Variants in PTPRS observed in about 807,000 individuals in gnomAD.
PTPRS encodes the protein receptor-type tyrosine-protein phosphatase S.
In PTPRS, 63 loss-of-function variants were observed where a neutral mutation model predicts 215.3. The observed-to-expected ratio is 0.29, with a 90% confidence interval of 0.24 to 0.36. PTPRS has a LOEUF of 0.36. PTPRS is among the 10% of genes least tolerant of loss of function. The probability of loss-of-function intolerance (pLI) is 1.00; values close to 1 mark genes in which losing one functional copy is unlikely to be tolerated. For synonymous variants in PTPRS, 1,404 were observed against 1,191.4 expected, an observed-to-expected ratio of 1.18 and a Z score of -3.68; for missense variants, 2,258 against 2,825.8, an observed-to-expected ratio of 0.80 and a Z score of 4.56.
intron 2 of PTPRS, 84 bp from the exon 3 acceptor site, chr19:5,274,428 TCCATGCCCTGCCCACGGAAGTG>T: frequency 7.0e-7 from 1 of 1,434,414 alleles, no homozygotes; most frequent in South Asian, 1.4e-5. Context: ...AAACCTGCAT[TCCATGCCCTGCCCACGGAAGTG>T]CCATGTGGCC....
At chr19:5,299,265 C>T (rs1285295714) in intron 1 of PTPRS, among the ~76,000 whole-genome samples, 1 of 152,212 alleles carries the variant, frequency 6.6e-6, no homozygotes, top group East Asian at 1.9e-4. Flanking sequence ...TCCTCCCTGC[C>T]CTCCATTCCT....
At chr19:5,238,390 G>A (rs1437190945) in intron 13 of PTPRS, among the ~76,000 whole-genome samples, 1 of 152,132 alleles carries the variant, frequency 6.6e-6, no homozygotes, top group Non-Finnish European at 1.5e-5. Flanking sequence ...CCCCACCCTC[G>A]GGAACTGGGA....
At chr19:5,256,662 C>T (rs920793279) in intron 8 of PTPRS, among the ~76,000 whole-genome samples, 5 of 152,142 alleles carry the variant, frequency 3.3e-5, no homozygotes, top group Admixed American at 2.0e-4. Context: ...GTTGGAGTCA[C>T]GAACGCATTA....
chr19:5,217,146 G>C (rs1034690918), intron 25 of PTPRS, among the ~76,000 whole-genome samples: 1 of 152,230 alleles, frequency 6.6e-6, no homozygotes, highest in African/African-American at 2.4e-5. Context: ...GCAGGGAAAG[G>C]ACATATGGGC....
chr19:5,214,723 A>G lies in PTPRS; in HGVS notation c.4332T>C (p.Ser1444=), dbSNP rs115258999. ...CCACGTAGTTGGCATTGATGTAATCACTGCCCATGATGCCTGCAGCCAGGG... is the reference window on the plus strand; with the variant it reads ...CCACGTAGTTGGCATTGATGTAATCGCTGCCCATGATGCCTGCAGCCAGGG... ...ILQPIEGIMG[S]DYINANYVDG... Residue 1444 remains serine (S), a synonymous_variant, in exon 29 of 38, where the codon AGT becomes AGC. Coordinates refer to ENST00000262963, the MANE Select transcript of PTPRS (RefSeq NM_002850.4). 715 of 1,604,310 alleles carry G rather than the reference A, an allele frequency of 4.5e-4. 2 individuals carry two copies. The African/African-American group carries it at 8.4e-3, about 19-fold the overall frequency.
chr19:5,284,375 TAAAATAAATAAATAAA>T (rs1166513018), intron 2 of PTPRS, among the ~76,000 whole-genome samples: 4 of 130,376 alleles, frequency 3.1e-5, no homozygotes, highest in South Asian at 2.3e-4. Context: ...ATTAATTAAT[TAAAATAAATAAATAAA>T]TAAATAAATA....
intron 12 of PTPRS, 97 bp downstream of exon 12, chr19:5,240,102 A>G (rs2043895088): frequency 7.5e-7 from 1 of 1,337,004 alleles, no homozygotes; most frequent in South Asian, 1.6e-5. Context: ...TCCGCAGCAC[A>G]CATAGGGACA....
rs1345964555 is a variant in PTPRS, at chr19:5,210,064, A to G, written c.5487+405T>C. Among the ~76,000 whole-genome samples, 1 of 151,914 alleles carries G rather than the reference A, an allele frequency of 6.6e-6. No homozygotes were observed. The highest frequency in any genetic ancestry group is 6.6e-5 in the Admixed American group (1 of 15,256). On this transcript the variant is annotated intron_variant, in intron 35 of 37. Transcript: ENST00000262963. This position sits in a 1 kb window ranked among gnomAD's most constrained non-coding sequence, Gnocchi z 4.5. ...GTCCTTCATTGAGCCAACACCATCC[A>G]TACTCATCTCTCCTCACCCAACGGT...
intron 9 of PTPRS, 129 bp downstream of exon 9, chr19:5,255,979 C>T: frequency 4.8e-6 from 3 of 627,406 alleles, no homozygotes; most frequent in South Asian, 3.1e-5. Context: ...GTTCATTTTT[C>T]TATTTTTTTT....
At chr19:5,228,982 A>T (rs1380005962) in intron 16 of PTPRS, among the ~76,000 whole-genome samples, 1 of 152,208 alleles carries the variant, frequency 6.6e-6, no homozygotes, top group East Asian at 1.9e-4. Flanking sequence ...AGGAGAAATG[A>T]CTACGGGCAG....
At chr19:5,219,289 C>CTCA in intron 23 of PTPRS, 21 bp downstream of exon 23, 1 of 1,613,610 alleles carries the variant, frequency 6.2e-7, no homozygotes, top group Non-Finnish European at 8.5e-7. Flanking sequence ...CAAGTCAAGT[C>CTCA]GGGGAGGACA....
chr19:5,297,953 C>T (rs1221176616), intron 1 of PTPRS, among the ~76,000 whole-genome samples: 11 of 151,876 alleles, frequency 7.2e-5, no homozygotes, highest in South Asian at 2.1e-4. Context: ...CCACCACGCC[C>T]GGCTAATTTT....
intron 1 of PTPRS, among the ~76,000 whole-genome samples, chr19:5,318,152 C>A (rs1474083877): frequency 1.3e-5 from 2 of 149,106 alleles, no homozygotes; most frequent in Non-Finnish European, 3.0e-5. Flanking sequence ...GCCTAGGCAA[C>A]AGAGCGAGAC....
intron 1 of PTPRS, 36 bp downstream of exon 1, chr19:5,340,628 T>G (rs1600168766): frequency 6.8e-6 from 1 of 147,160 alleles, no homozygotes. Context: ...TTTTTTTTCC[T>G]CTAATCCATG....
At chr19:5,279,424 T>C (rs1002925100) in intron 2 of PTPRS, among the ~76,000 whole-genome samples, 1 of 151,834 alleles carries the variant, frequency 6.6e-6, no homozygotes, top group Non-Finnish European at 1.5e-5. Context: ...AAGGCTGGAG[T>C]GCGGTGGTGC....
At position 5,244,043 on chromosome 19, in the gene PTPRS, C is replaced by T; in HGVS notation, c.1428G>A (p.Gln476=). The part of the protein sequence containing the change: ...MEPEHPVGNW[Q]KHNVDDSLLT... Reference sequence around the variant, plus strand: ...GCAGGCTGTCGTCCACGTTGTGCTTCTGCCAGTTGCCCACGGGGTGCTCCG... The same window carrying T: ...GCAGGCTGTCGTCCACGTTGTGCTTTTGCCAGTTGCCCACGGGGTGCTCCG... The change falls in exon 11 of 38, where the codon CAG becomes CAA. Residue 476 remains glutamine, a synonymous_variant. Coordinates refer to ENST00000262963, the MANE Select transcript of PTPRS (RefSeq NM_002850.4). The surrounding 1 kb of genome is among the most constrained non-coding windows in gnomAD (Gnocchi z 7.2). 2 of 1,610,138 alleles carry T rather than the reference C, an allele frequency of 1.2e-6. No homozygotes were observed. Among genetic ancestry groups the T allele is most frequent in the Non-Finnish European group, 1.7e-6 (2 of 1,179,924 alleles).
chr19:5,332,875 G>A (rs1446259551), intron 1 of PTPRS, among the ~76,000 whole-genome samples: 1 of 152,226 alleles, frequency 6.6e-6, no homozygotes, highest in Non-Finnish European at 1.5e-5. Flanking sequence ...TTTGTTAGAC[G>A]CGGTGGCTCA....
intron 15 of PTPRS, 64 bp from the exon 16 acceptor site, chr19:5,229,406 A>C: frequency 7.4e-7 from 1 of 1,349,126 alleles, no homozygotes; most frequent in South Asian, 2.1e-5. Context: ...CCAGAGATGG[A>C]GAAAGAGAAG....
At chr19:5,253,435 C>T (rs1024538983) in intron 9 of PTPRS, among the ~76,000 whole-genome samples, 3 of 152,216 alleles carry the variant, frequency 2.0e-5, no homozygotes, top group African/African-American at 7.2e-5. Flanking sequence ...TTGTAGCTTT[C>T]AGAACATGCC....
Sources: allele counts gnomAD v4.1 joint callset (sites outside exome capture counted in the v4.1 genomes callset), GRCh38; gene constraint gnomAD v4.1.1; non-coding constraint Gnocchi (gnomAD v3.1); transcripts MANE v1.5; gene names NCBI Gene and HGNC (gene_info 2026-07-23, HGNC 2026-07-21).